RAB38: variants seen among roughly 807,000 people sequenced by gnomAD.
The protein encoded by RAB38 is RAB38, member RAS oncogene family.
Under a neutral mutation model 18.4 loss-of-function variants are expected in RAB38, and 15 were observed. That is an observed-to-expected ratio of 0.82 (90% CI 0.55 to 1.26). The LOEUF is 1.26. RAB38 is among the 50% of genes most tolerant of loss of function. The pLI, the probability that RAB38 is intolerant of heterozygous loss-of-function variation, is 0.00. For synonymous variants in RAB38, 101 were observed against 104.4 expected, an observed-to-expected ratio of 0.97 and a Z score of 0.20; for missense variants, 294 against 267.4, an observed-to-expected ratio of 1.10 and a Z score of -0.69.
At chr11:87,952,183 G>C in the RAB38 span, among the ~76,000 whole-genome samples, 3 of 152,076 alleles carry the variant, frequency 2.0e-5, no homozygotes, top group African/African-American at 7.2e-5. Flanking sequence ...TGGGGGGTAG[G>C]GAACACTCTC....
the RAB38 span, among the ~76,000 whole-genome samples, chr11:87,874,516 G>C: frequency 6.6e-6 from 1 of 151,418 alleles, no homozygotes; most frequent in Non-Finnish European, 1.5e-5. Context: ...GGGGGAGAGG[G>C]GAGGGATAGC....
At chr11:87,882,226 T>C in the RAB38 span, among the ~76,000 whole-genome samples, 1 of 152,020 alleles carries the variant, frequency 6.6e-6, no homozygotes, top group South Asian at 2.1e-4. Context: ...AATAAGTTCT[T>C]TCTATGCTTT....
the RAB38 span, among the ~76,000 whole-genome samples, chr11:88,094,063 T>A: frequency 1.3e-5 from 2 of 151,860 alleles, no homozygotes; most frequent in Admixed American, 1.3e-4. Flanking sequence ...CTGGGCAGAA[T>A]CTTCATTTTA....
At chr11:88,143,636 G>C (rs1942945021) in intron 2 of RAB38, among the ~76,000 whole-genome samples, 1 of 152,216 alleles carries the variant, frequency 6.6e-6, no homozygotes, top group Non-Finnish European at 1.5e-5. Flanking sequence ...AGCAGGTTAA[G>C]TTTTTAATAG....
the RAB38 span, among the ~76,000 whole-genome samples, chr11:87,852,198 C>T: frequency 2.6e-5 from 4 of 152,070 alleles, no homozygotes; most frequent in South Asian, 2.1e-4. Flanking sequence ...GGTTTTATGA[C>T]CTACTTCAGG....
chr11:87,949,140 T>G, the RAB38 span, among the ~76,000 whole-genome samples: 9 of 152,350 alleles, frequency 5.9e-5, no homozygotes, highest in African/African-American at 1.9e-4. Flanking sequence ...GTCGAAGAAT[T>G]TATCCATTTC....
the RAB38 span, among the ~76,000 whole-genome samples, chr11:87,896,137 G>A: frequency 6.6e-6 from 1 of 151,682 alleles, no homozygotes; most frequent in Non-Finnish European, 1.5e-5. Flanking sequence ...ACGTAAAAGG[G>A]AATGATAGAC....
intron 2 of RAB38, among the ~76,000 whole-genome samples, chr11:88,149,429 T>G (rs1943034223): frequency 6.6e-6 from 1 of 152,226 alleles, no homozygotes. Context: ...AACATAGTTA[T>G]CAACTATTAC....
the RAB38 span, among the ~76,000 whole-genome samples, chr11:87,810,235 G>A: frequency 6.6e-6 from 1 of 151,924 alleles, no homozygotes; most frequent in Non-Finnish European, 1.5e-5. Context: ...CTATAAACTT[G>A]CTTCAATTAT....
Position 88,161,991 on chromosome 11 carries a change from T to C in RAB38, c.203-12036A>G, listed in dbSNP as rs760440878. 7.2e-5 allele frequency among the ~76,000 whole-genome samples: 11 copies of C among 152,072 alleles called. 1 individual carries two copies. In the South Asian group the frequency reaches 1.7e-3, roughly 23 times the overall value. ...GTAAATATATAATCAACAGTAAATA[T>C]GGACCTTGCACAATAATCTAGAAGA... On this transcript the variant is annotated intron_variant, in intron 1 of 2. Coordinates refer to ENST00000243662, the MANE Select transcript of RAB38 (RefSeq NM_022337.3).
the RAB38 span, among the ~76,000 whole-genome samples, chr11:87,973,563 G>A: frequency 1.1e-4 from 17 of 152,120 alleles, no homozygotes; most frequent in African/African-American, 3.9e-4. Context: ...GCTAACCAAA[G>A]AATCAGTTAG....
At chr11:87,906,433 T>C in the RAB38 span, among the ~76,000 whole-genome samples, 35 of 152,016 alleles carry the variant, frequency 2.3e-4, no homozygotes, top group African/African-American at 8.2e-4. Flanking sequence ...AAAATGGAGA[T>C]AGAAATACTC....
chr11:88,165,775 T>TG (rs762541774), intron 1 of RAB38: 2 of 152,138 alleles, frequency 1.3e-5, no homozygotes, highest in Non-Finnish European at 2.9e-5. Flanking sequence ...TCCTCATTCT[T>TG]GGTGTTTCTT....
intron 2 of RAB38, among the ~76,000 whole-genome samples, chr11:88,145,001 A>G (rs889002706): frequency 1.3e-5 from 2 of 152,146 alleles, no homozygotes; most frequent in African/African-American, 4.8e-5. Flanking sequence ...TTTTCACCAG[A>G]GTATGGCTGT....
chr11:88,073,925 G>T, the RAB38 span, among the ~76,000 whole-genome samples: 4 of 151,904 alleles, frequency 2.6e-5, no homozygotes, highest in Admixed American at 2.6e-4. Flanking sequence ...ACAGCAGAAT[G>T]GACACAGCAG....
At chr11:88,004,066 C>G in the RAB38 span, among the ~76,000 whole-genome samples, 1 of 142,094 alleles carries the variant, frequency 7.0e-6, no homozygotes, top group Non-Finnish European at 1.5e-5. Context: ...TATATACCTT[C>G]TCAGAAAAGA....
chr11:87,879,678 A>G, the RAB38 span: 1 of 151,562 alleles, frequency 6.6e-6, no homozygotes, highest in Non-Finnish European at 1.5e-5. Context: ...ACATTATCTC[A>G]TCTGGGGTAA....
the RAB38 span, among the ~76,000 whole-genome samples, chr11:87,977,522 G>C: frequency 5.1e-5 from 5 of 98,648 alleles, no homozygotes; most frequent in Non-Finnish European, 7.5e-5. Context: ...TAATTATATA[G>C]ATAATATAAT....
the RAB38 span, among the ~76,000 whole-genome samples, chr11:88,036,870 C>T: frequency 6.6e-6 from 1 of 151,922 alleles, no homozygotes; most frequent in Non-Finnish European, 1.5e-5. Context: ...TGTATTATTT[C>T]CTTGACACCT....
Sources: gnomAD v4.1 joint callset for allele counts (sites outside exome capture counted in the v4.1 genomes callset) on GRCh38, gnomAD v4.1.1 for gene constraint, MANE v1.5 for transcripts, NCBI Gene and HGNC (gene_info 2026-07-23, HGNC 2026-07-21) for gene names.